Variants in MACROD2 observed in about 807,000 individuals in gnomAD.
MACROD2 encodes mono-ADP ribosylhydrolase 2, also known as ADP-ribose glycohydrolase MACROD2.
In MACROD2, 36 loss-of-function variants were observed where a neutral mutation model predicts 70.4. That is an observed-to-expected ratio of 0.51 (90% CI 0.39 to 0.68). The LOEUF is 0.68. MACROD2 is among the 30% of genes least tolerant of loss of function. The probability of loss-of-function intolerance (pLI) is 0.00; values close to 1 mark genes in which losing one functional copy is unlikely to be tolerated. For synonymous variants in MACROD2, 172 were observed against 178.8 expected, an observed-to-expected ratio of 0.96 and a Z score of 0.30; for missense variants, 496 against 538.4, an observed-to-expected ratio of 0.92 and a Z score of 0.78.
At chr20:14,675,985 CAAG>C (rs1350510743) in intron 4 of MACROD2, among the ~76,000 whole-genome samples, 1 of 152,086 alleles carries the variant, frequency 6.6e-6, no homozygotes. Flanking sequence ...ATCAATGCAA[CAAG>C]AAGAGCTAAC....
intron 5 of MACROD2, among the ~76,000 whole-genome samples, chr20:14,720,493 A>T (rs1600584908): frequency 9.2e-6 from 1 of 109,266 alleles, no homozygotes; most frequent in Non-Finnish European, 1.8e-5. Context: ...AAGGTAGTAG[A>T]TTTATGGTTT....
intron 6 of MACROD2, 72 bp downstream of exon 6, chr20:15,230,133 A>C: frequency 6.9e-7 from 1 of 1,446,530 alleles, no homozygotes; most frequent in Non-Finnish European, 9.3e-7. Flanking sequence ...TCTTGTCTAA[A>C]GAGAGGTAGG....
intron 3 of MACROD2, among the ~76,000 whole-genome samples, chr20:14,100,811 TC>T (rs1477917134): frequency 7.4e-5 from 10 of 135,334 alleles, no homozygotes; most frequent in African/African-American, 1.1e-4. Flanking sequence ...TGATATATAA[TC>T]ATATATCATA....
At chr20:14,005,406 CTG>C (rs1555909840) in intron 2 of MACROD2, among the ~76,000 whole-genome samples, 3 of 152,156 alleles carry the variant, frequency 2.0e-5, no homozygotes, top group Non-Finnish European at 4.4e-5. Context: ...AATTCTTCCT[CTG>C]TGTTACCAAT....
chr20:14,201,696 C>T (rs1388915198), intron 3 of MACROD2, among the ~76,000 whole-genome samples: 4 of 151,826 alleles, frequency 2.6e-5, no homozygotes, highest in Non-Finnish European at 5.9e-5. Context: ...AAAAATTAGC[C>T]AGGCGTGGTG....
At chr20:15,301,546 A>G (rs1004703079) in intron 6 of MACROD2, among the ~76,000 whole-genome samples, 7 of 148,714 alleles carry the variant, frequency 4.7e-5, no homozygotes, top group Admixed American at 4.1e-4. Flanking sequence ...GGTATTTAAG[A>G]ATCTTACTTA....
At chr20:15,559,184 G>A (rs1196558489) in intron 8 of MACROD2, among the ~76,000 whole-genome samples, 7 of 132,522 alleles carry the variant, frequency 5.3e-5, no homozygotes, top group East Asian at 4.5e-4. Context: ...TCGAGATCGC[G>A]CCACTGCACT....
intron 5 of MACROD2, among the ~76,000 whole-genome samples, chr20:15,100,980 T>G (rs549978973): frequency 6.6e-6 from 1 of 152,134 alleles, no homozygotes; most frequent in African/African-American, 2.4e-5. Flanking sequence ...AAAAAGTAAC[T>G]TATTACCTTG....
chr20:15,208,766 C>T (rs2076733872), intron 5 of MACROD2, among the ~76,000 whole-genome samples: 1 of 152,134 alleles, frequency 6.6e-6, no homozygotes, highest in Non-Finnish European at 1.5e-5. Flanking sequence ...TACTACTCCC[C>T]AGTTAGCTTC....
chr20:14,619,518 G>A (rs113413431), intron 4 of MACROD2, among the ~76,000 whole-genome samples: 67 of 39,716 alleles, frequency 1.7e-3, no homozygotes, highest in Non-Finnish European at 1.8e-3. Context: ...GAGGAAAGGA[G>A]GGAAGGAGGG....
rs367680687 is a variant in MACROD2 at position 14,938,562 on chromosome 20, C to G, written c.418+253603C>G. Among the ~76,000 whole-genome samples the G allele has an allele frequency of 2.6e-4, 39 of 152,228 alleles. No homozygotes were observed. In the East Asian group the frequency reaches 6.6e-3, roughly 26 times the overall value. On this transcript the variant is annotated intron_variant, in intron 5 of 17. Coordinates refer to ENST00000684519, the MANE Select transcript of MACROD2 (RefSeq NM_001351661.2). ...TTGGGAGGCCGAGATGGGCCAATCA[C>G]TTGAGGCCAGGAGTTCAAGACCAGC...
At chr20:15,649,650 G>C (rs940936805) in intron 8 of MACROD2, among the ~76,000 whole-genome samples, 1 of 152,176 alleles carries the variant, frequency 6.6e-6, no homozygotes, top group African/African-American at 2.4e-5. Flanking sequence ...TTAGGCCTGC[G>C]ATTTCTTAAC....
chr20:14,716,643 CT>C, intron 5 of MACROD2, among the ~76,000 whole-genome samples: 1 of 152,164 alleles, frequency 6.6e-6, no homozygotes, highest in Non-Finnish European at 1.5e-5. Flanking sequence ...GAGAATCCAT[CT>C]ATGCTTGGAA....
intron 5 of MACROD2, among the ~76,000 whole-genome samples, chr20:15,115,024 C>A (rs2075982097): frequency 1.3e-5 from 2 of 152,152 alleles, no homozygotes; most frequent in Admixed American, 1.3e-4. Flanking sequence ...GTTCCTGCCA[C>A]CTATCTTTGC....
At chr20:14,224,864 G>A (rs1450415729) in intron 3 of MACROD2, among the ~76,000 whole-genome samples, 1 of 152,150 alleles carries the variant, frequency 6.6e-6, no homozygotes, top group Non-Finnish European at 1.5e-5. Flanking sequence ...CCACTGTTGT[G>A]AATAGCTGTC....
intron 4 of MACROD2, among the ~76,000 whole-genome samples, chr20:14,631,118 G>C (rs1169307584): frequency 6.6e-6 from 1 of 152,142 alleles, no homozygotes; most frequent in Non-Finnish European, 1.5e-5. Context: ...TTTGGACTGA[G>C]TTCCAGCACT....
chr20:14,124,819 A>T (rs1482388960), intron 3 of MACROD2, among the ~76,000 whole-genome samples: 1 of 152,174 alleles, frequency 6.6e-6, no homozygotes, highest in Non-Finnish European at 1.5e-5. Context: ...CAAGAGAATT[A>T]AAAACATATG....
intron 4 of MACROD2, among the ~76,000 whole-genome samples, chr20:14,513,229 A>G (rs150097716): frequency 1.2e-3 from 188 of 152,204 alleles, no homozygotes; most frequent in African/African-American, 4.4e-3. Context: ...CTGTTTCTTT[A>G]AAGTTATCTT....
chr20:14,293,461 G>A (rs2082402166), intron 3 of MACROD2, among the ~76,000 whole-genome samples: 1 of 151,866 alleles, frequency 6.6e-6, no homozygotes, highest in Admixed American at 6.6e-5. Flanking sequence ...CAGTTCAGGT[G>A]AGACCTTAAT....
Sources: gnomAD v4.1 joint callset for allele counts (sites outside exome capture counted in the v4.1 genomes callset) on GRCh38, gnomAD v4.1.1 for gene constraint, MANE v1.5 for transcripts, NCBI Gene and HGNC (gene_info 2026-07-23, HGNC 2026-07-21) for gene names.